The following FSTL5 variants were observed in gnomAD, a reference collection of about 807,000 sequenced individuals.
FSTL5 encodes follistatin like 5.
In FSTL5, 62 loss-of-function variants were observed where a neutral mutation model predicts 89.1. The ratio of observed to expected loss-of-function variants is 0.70; its 90% CI spans 0.57 to 0.86. The LOEUF (loss-of-function observed/expected upper bound fraction) is 0.86, where lower values mean the gene tolerates loss of function less well. Ranked by LOEUF, FSTL5 falls within the 40% of genes least tolerant of loss-of-function variation. The pLI is 0.00. For missense variants in FSTL5, 1,057 were observed against 1,001.6 expected (o/e 1.06, Z -0.75); for synonymous variants, 383 against 346.2 (o/e 1.11, Z -1.18).
intron 3 of FSTL5, among the ~76,000 whole-genome samples, chr4:162,019,856 A>G (rs1737021783): frequency 6.7e-6 from 1 of 150,190 alleles, no homozygotes; most frequent in Admixed American, 6.7e-5. Context: ...ATTTACATAT[A>G]GAAGTATATA....
intron 7 of FSTL5, among the ~76,000 whole-genome samples, chr4:161,615,459 A>C (rs561085142): frequency 6.7e-6 from 1 of 150,372 alleles, no homozygotes; most frequent in Non-Finnish European, 1.5e-5. Context: ...AAAAAAAAAA[A>C]AAAAGAAAGA....
At chr4:162,153,716 A>AT (rs1733338538) in intron 1 of FSTL5, among the ~76,000 whole-genome samples, 4 of 128,332 alleles carry the variant, frequency 3.1e-5, no homozygotes, top group Non-Finnish European at 6.5e-5. Flanking sequence ...ATATATGTAT[A>AT]TAATAATATA....
chr4:162,078,158 A>C (rs920449429), intron 2 of FSTL5, among the ~76,000 whole-genome samples: 15 of 151,848 alleles, frequency 9.9e-5, no homozygotes, highest in South Asian at 2.1e-4. Flanking sequence ...TCCACACTGG[A>C]ATAGACAGTA....
intron 7 of FSTL5, among the ~76,000 whole-genome samples, chr4:161,650,931 T>C (rs973731983): frequency 6.6e-6 from 1 of 152,184 alleles, no homozygotes; most frequent in African/African-American, 2.4e-5. Context: ...AATTCTGCTA[T>C]GCAACTCCTT....
chr4:161,676,200 A>G (rs1438606973), intron 6 of FSTL5, among the ~76,000 whole-genome samples: 5 of 152,162 alleles, frequency 3.3e-5, no homozygotes, highest in Non-Finnish European at 4.4e-5. Flanking sequence ...AACATTACCA[A>G]TCCAAGTAAT....
chr4:161,698,264 G>A (rs1204469442), intron 6 of FSTL5, among the ~76,000 whole-genome samples: 2 of 152,118 alleles, frequency 1.3e-5, no homozygotes, highest in Admixed American at 1.3e-4. Flanking sequence ...AGAAATGTGA[G>A]AAATAAATGT....
rs761890542 is a variant in FSTL5 at position 161,386,189 on chromosome 4, GGA to G, written c.2100_2101del (p.Pro701ArgfsTer9). On this transcript the variant is annotated frameshift_variant, in exon 16 of 16. Coordinates refer to ENST00000306100, the MANE Select transcript of FSTL5 (RefSeq NM_020116.5). LOFTEE classifies it high-confidence loss of function. ...AATGCTGACAAGGTAGTGGCCATCTGGAGAGACATATGGAGTGCCCGTCACAT... is the reference window on the plus strand; with the variant it reads ...AATGCTGACAAGGTAGTGGCCATCTGGAGACATATGGAGTGCCCGTCACAT... 2 of 1,613,992 alleles carry G rather than the reference GGA, an allele frequency of 1.2e-6. No homozygotes were observed. Among genetic ancestry groups the G allele is most frequent in the South Asian group, 2.2e-5 (2 of 91,076 alleles).
chr4:161,642,167 AT>A (rs981777233), intron 7 of FSTL5, among the ~76,000 whole-genome samples: 2 of 151,818 alleles, frequency 1.3e-5, no homozygotes, highest in African/African-American at 4.8e-5. Flanking sequence ...CATGGCTACT[AT>A]TTTTTTTGTG....
intron 4 of FSTL5, among the ~76,000 whole-genome samples, chr4:161,843,595 T>G (rs1731277058): frequency 6.6e-6 from 1 of 151,994 alleles, no homozygotes; most frequent in Non-Finnish European, 1.5e-5. Flanking sequence ...CCCAAACAGA[T>G]ATATAGACCA....
intron 4 of FSTL5, among the ~76,000 whole-genome samples, chr4:161,849,814 C>A (rs1027179927): frequency 3.9e-5 from 6 of 152,010 alleles, no homozygotes; most frequent in Non-Finnish European, 8.8e-5. Context: ...ACTTATATAA[C>A]CTATAAACTT....
intron 1 of FSTL5, among the ~76,000 whole-genome samples, chr4:162,153,552 A>G (rs1005679453): frequency 6.8e-6 from 1 of 148,020 alleles, no homozygotes; most frequent in East Asian, 2.0e-4. Context: ...GGTATTTAAT[A>G]TATTTATTGA....
intron 4 of FSTL5, among the ~76,000 whole-genome samples, chr4:161,865,622 A>C (rs920487): frequency 0.87 from 132,530 of 152,050 alleles, 58,547 homozygotes; most frequent in East Asian, 0.98. Context: ...TTACAATATC[A>C]AGATTTGCTT....
At chr4:162,013,069 A>G (rs1371261869) in intron 3 of FSTL5, among the ~76,000 whole-genome samples, 1 of 151,966 alleles carries the variant, frequency 6.6e-6, no homozygotes, top group Non-Finnish European at 1.5e-5. Flanking sequence ...CTGTAATCCC[A>G]ACTACTTGGG....
chr4:161,415,324 C>T (rs927379558), intron 15 of FSTL5, among the ~76,000 whole-genome samples: 1 of 152,074 alleles, frequency 6.6e-6, no homozygotes, highest in Non-Finnish European at 1.5e-5. Flanking sequence ...GATGCAATCT[C>T]TGCTCACTGC....
chr4:161,815,746 C>A (rs577945891), intron 4 of FSTL5, among the ~76,000 whole-genome samples: 4 of 151,946 alleles, frequency 2.6e-5, no homozygotes, highest in Non-Finnish European at 4.4e-5. Context: ...GTATATTCAG[C>A]GAATAATTTA....
intron 13 of FSTL5, among the ~76,000 whole-genome samples, chr4:161,470,621 C>CAA (rs34868487): frequency 2.4e-4 from 35 of 143,828 alleles, no homozygotes; most frequent in Admixed American, 8.2e-4. Flanking sequence ...TCTATTTCTG[C>CAA]AAAAAAAAAA....
intron 2 of FSTL5, among the ~76,000 whole-genome samples, chr4:162,041,335 A>G (rs1038025847): frequency 3.9e-5 from 6 of 152,080 alleles, no homozygotes; most frequent in African/African-American, 1.4e-4. Context: ...AACAGCAAAT[A>G]GTGTTGTTGC....
intron 6 of FSTL5, among the ~76,000 whole-genome samples, chr4:161,669,123 A>AT (rs1553956607): frequency 0.01 from 1,477 of 144,074 alleles, 15 homozygotes; most frequent in African/African-American, 0.025. Context: ...AAAAAAAAAA[A>AT]AAAATAAAAT....
chr4:161,413,254 C>CAAAAAAAAA (rs869030539), intron 15 of FSTL5, among the ~76,000 whole-genome samples: 1 of 9,676 alleles, frequency 1.0e-4, no homozygotes, highest in African/African-American at 4.0e-4. Context: ...AGACACTTCT[C>CAAAAAAAAA]AAAAAAAAAA....
Sources: gnomAD v4.1 joint callset for allele counts (sites outside exome capture counted in the v4.1 genomes callset) on GRCh38, gnomAD v4.1.1 for gene constraint, MANE v1.5 for transcripts, NCBI Gene and HGNC (gene_info 2026-07-23, HGNC 2026-07-21) for gene names.